The following DMXL1 variants were observed in gnomAD, a reference collection of about 807,000 sequenced individuals.
DMXL1 encodes the protein dmX-like protein 1.
In DMXL1, 99 loss-of-function variants were observed where a neutral mutation model predicts 319.2. The observed-to-expected ratio is 0.31, with a 90% CI of 0.26 to 0.37. The LOEUF is 0.37. Ranked by LOEUF, DMXL1 falls within the 10% of genes least tolerant of loss-of-function variation. DMXL1 has a pLI of 1.00. For synonymous variants in DMXL1, 1,385 were observed against 1,235.2 expected (o/e 1.12, Z -2.54); for missense variants, 3,745 against 3,595.6 (o/e 1.04, Z -1.06).
rs1424638626 is a variant in DMXL1, at chr5:119,171,840, T to G, written c.6552T>G (p.Phe2184Leu). The G allele has an allele frequency of 6.2e-7, 1 of 1,613,986 alleles. No individual in the cohort carries two copies. Among genetic ancestry groups the G allele is most frequent in the Non-Finnish European group, 8.5e-7 (1 of 1,179,894 alleles). ...LSEQTSVPLL[F>L]ACTANAKTVV... ...AGCAAACCTCAGTGCCTCTCCTCTT[T>G]GCTTGTACAGCCAATGCCAAAACAG... is the stretch of plus-strand genomic sequence containing the variant. The change falls in exon 25 of 44, where the codon TTT (phenylalanine) becomes TTG (leucine). Residue 2184 changes from phenylalanine to leucine, a missense_variant. Physicochemically the swap from Phe to Leu is conservative, Grantham distance 22 (BLOSUM62 0). This residue lies in a region of DMXL1 where 1,382 missense variants were observed against 1,269.5 expected (regional missense o/e 1.09). Transcript: ENST00000539542.
chr5:119,244,391 T>A lies in DMXL1; in HGVS notation c.8737T>A (p.Leu2913Ile), dbSNP rs753427714. 5.0e-6 allele frequency: 8 copies of A among 1,614,104 alleles called. No individual in the cohort carries two copies. In the Admixed American group the frequency reaches 8.3e-5, roughly 17 times the overall value. The change falls in exon 43 of 44, where the codon TTA becomes ATA. Residue 2913 changes from leucine to isoleucine, a missense_variant. By Grantham distance (5) the Leu-to-Ile change is conservative (BLOSUM62 2). Around this residue, in one of 4 missense-constraint regions of DMXL1, gnomAD observed 262 missense variants for 320.5 expected, o/e 0.82. Transcript: ENST00000539542. Reference sequence around the variant, plus strand: ...CTGCCATGACAGTGGAGCCACAGTTTTAGCATATGCTCCAAAACATCAGCT... The same window carrying A: ...CTGCCATGACAGTGGAGCCACAGTTATAGCATATGCTCCAAAACATCAGCT... ...FTCHDSGATV[L>I]AYAPKHQLLI...
rs1775194320 is a variant in DMXL1 at position 119,173,776 on chromosome 5, G to GTATATATATGTATATATATA, written c.6682-1476_6682-1475insGTATATATATATATATATAT. On this transcript the variant is annotated intron_variant, in intron 25 of 43. Coordinates refer to ENST00000539542, the MANE Select transcript of DMXL1 (RefSeq NM_001290321.3). Reference sequence around the variant, plus strand: ...TGTGTATATATATATATGTGTGTGTGTATATATATATATATATATATAATG... The same window carrying GTATATATATGTATATATATA: ...TGTGTATATATATATATGTGTGTGTGTATATATATGTATATATATATATATATATATATATATATATAATG... Among the ~76,000 whole-genome samples, 6 of 67,170 alleles carry GTATATATATGTATATATATA rather than the reference G, an allele frequency of 8.9e-5. No individual in the cohort carries two copies. In the Admixed American group the frequency reaches 1.0e-3, roughly 11 times the overall value. 44.1% of individuals were successfully genotyped at this position (67,170 alleles called of 152,430 possible). A position where few individuals can be genotyped will look rare whatever the true frequency, so the allele number is the denominator to read the frequency against.
chr5:119,116,014 A>G, intron 6 of DMXL1, 144 bp from the exon 7 acceptor site: 1 of 699,878 alleles, frequency 1.4e-6, no homozygotes. Flanking sequence ...TGCCAGAATC[A>G]GAATTTTCTT....
At chr5:119,231,738 A>G (rs1185196364) in intron 38 of DMXL1, among the ~76,000 whole-genome samples, 2 of 152,254 alleles carry the variant, frequency 1.3e-5, no homozygotes, top group Non-Finnish European at 2.9e-5. Context: ...TAAGGTGTTC[A>G]AGGAAGCACA....
chr5:119,137,133 C>G (rs994165775), intron 13 of DMXL1, among the ~76,000 whole-genome samples: 1 of 152,230 alleles, frequency 6.6e-6, no homozygotes, highest in Non-Finnish European at 1.5e-5. Context: ...GGAACCCACA[C>G]CTGTGTCAAT....
intron 28 of DMXL1, among the ~76,000 whole-genome samples, chr5:119,182,218 A>T (rs1237530749): frequency 6.6e-6 from 1 of 152,214 alleles, no homozygotes; most frequent in South Asian, 2.1e-4. Flanking sequence ...AGTTGACTTG[A>T]ATCCAGTTAA....
In DMXL1 at chr5:119,133,532, A is replaced by G; in HGVS notation, c.1608A>G (p.Thr536=). 6.2e-7 allele frequency: 1 copy of G among 1,612,420 alleles called. No individual in the cohort carries two copies. Among genetic ancestry groups the G allele is most frequent in the East Asian group, 2.2e-5 (1 of 44,880 alleles). The change falls in exon 12 of 44, where the codon ACA becomes ACG. Residue 536 remains threonine, a synonymous_variant. Coordinates refer to ENST00000539542, the MANE Select transcript of DMXL1 (RefSeq NM_001290321.3). ...CCAGAATTCCAGTAGCTTTCCCCAC[A>G]GGTGATGCAAACTCTCTCTGTAAAA... ...FVSRIPVAFP[T]GDANSLCKSI... is the part of the protein sequence containing the mutation.
chr5:119,243,534 CTT>C (rs560075525), intron 42 of DMXL1, among the ~76,000 whole-genome samples: 1 of 152,022 alleles, frequency 6.6e-6, no homozygotes, highest in African/African-American at 2.4e-5. Context: ...AGGCTGGACT[CTT>C]TTTTAAAGAA....
rs374575240 is a variant in DMXL1, at chr5:119,149,982, C to A, written c.4155C>A (p.Asp1385Glu). 1.1e-5 allele frequency: 17 copies of A among 1,613,734 alleles called. No homozygotes were observed. Among genetic ancestry groups the A allele is most frequent in the African/African-American group, 6.7e-5 (5 of 74,868 alleles). ...GTGCTAGTGGAAGCACTACCAGAGA[C>A]CCCCAGGCATTCAACAAGGCTGAAA... is the stretch of plus-strand genomic sequence containing the variant. Reference protein sequence around the residue: ...TISASGSTTRDPQAFNKAENT... With the variant: ...TISASGSTTREPQAFNKAENT... Residue 1385 changes from aspartate (D) to glutamate (E), a missense_variant, in exon 18 of 44, where the codon GAC becomes GAA. By Grantham distance (45) the Asp-to-Glu change is conservative (BLOSUM62 2). Coordinates refer to ENST00000539542, the MANE Select transcript of DMXL1 (RefSeq NM_001290321.3).
At chr5:119,227,620 G>GT (rs945546622) in intron 38 of DMXL1, among the ~76,000 whole-genome samples, 16 of 151,686 alleles carry the variant, frequency 1.1e-4, no homozygotes, top group South Asian at 8.3e-4. Flanking sequence ...CTGTTTTTTG[G>GT]TTTTTTTTCA....
chr5:119,187,117 A>T (rs1284661750), intron 28 of DMXL1, among the ~76,000 whole-genome samples: 8 of 151,830 alleles, frequency 5.3e-5, no homozygotes, highest in Non-Finnish European at 8.8e-5. Flanking sequence ...ACTGAAACTT[A>T]TTTTTAAAAT....
At position 119,145,611 on chromosome 5, in the gene DMXL1, CTT is replaced by C. The variant is rs1156315810; in HGVS notation, c.2569+976_2569+977del. Among the ~76,000 whole-genome samples, 5 of 151,688 alleles carry C rather than the reference CTT, an allele frequency of 3.3e-5. No individual in the cohort carries two copies. The East Asian group carries it at 9.7e-4, about 29-fold the overall frequency. ...GTTAACAATTTAAGTCTCTTTAAAA[CTT>C]TTAAAAGAAGTTACTCTCCTTTGCA... On this transcript the variant is annotated intron_variant, in intron 15 of 43. Transcript: ENST00000539542.
At position 119,197,864 on chromosome 5, in the gene DMXL1, T is replaced by C. The variant is rs1296774665; in HGVS notation, c.7653T>C (p.Tyr2551=). The C allele has an allele frequency of 3.7e-6, 6 of 1,614,228 alleles. No homozygotes were observed. Among genetic ancestry groups the C allele is most frequent in the Non-Finnish European group, 4.2e-6 (5 of 1,180,028 alleles). Residue 2551 remains tyrosine, a synonymous_variant, in exon 32 of 44, where the codon TAT becomes TAC. Transcript: ENST00000539542. ...LEIHGGPPQN[Y]IASHTAEESL... ...TCCATGGTGGGCCACCTCAAAATTATATCGCAAGTCATACCGCCGAAGAGA... is the reference window on the plus strand; with the variant it reads ...TCCATGGTGGGCCACCTCAAAATTACATCGCAAGTCATACCGCCGAAGAGA...
intron 29 of DMXL1, among the ~76,000 whole-genome samples, chr5:119,190,090 A>G (rs1778440691): frequency 6.6e-6 from 1 of 152,188 alleles, no homozygotes; most frequent in African/African-American, 2.4e-5. Flanking sequence ...TTTTTTGGTA[A>G]ATTATGACAT....
chr5:119,207,014 C>T (rs1379260722), intron 34 of DMXL1, 118 bp downstream of exon 34: 1 of 569,282 alleles, frequency 1.8e-6, no homozygotes, highest in Non-Finnish European at 2.9e-6. Context: ...ATTGTTCCCT[C>T]AAATTATTCT....
chr5:119,156,408 A>G (rs868082449), intron 19 of DMXL1, among the ~76,000 whole-genome samples: 18 of 152,312 alleles, frequency 1.2e-4, no homozygotes, highest in East Asian at 5.8e-4. Context: ...TTTTATTGCA[A>G]TATTTGCTTT....
intron 14 of DMXL1, 78 bp downstream of exon 14, chr5:119,144,008 G>A (rs1252872241): frequency 1.1e-5 from 10 of 895,576 alleles, no homozygotes; most frequent in East Asian, 2.7e-5. Flanking sequence ...ATATATTAAT[G>A]TAATTTGAAA....
intron 5 of DMXL1, among the ~76,000 whole-genome samples, chr5:119,111,376 C>G (rs1049612781): frequency 2.6e-5 from 4 of 151,992 alleles, no homozygotes; most frequent in Non-Finnish European, 4.4e-5. Context: ...TGTAAAATAT[C>G]TCTAACATTT....
At chr5:119,135,197 C>T (rs1199419714) in intron 13 of DMXL1, among the ~76,000 whole-genome samples, 1 of 151,912 alleles carries the variant, frequency 6.6e-6, no homozygotes, top group African/African-American at 2.4e-5. Context: ...TTCTATTTAT[C>T]AGGCATTTTT....
Sources: gnomAD v4.1 joint callset for allele counts (sites outside exome capture counted in the v4.1 genomes callset) on GRCh38, gnomAD v4.1.1 for gene constraint, gnomAD v4.1.1 regional missense constraint, MANE v1.5 for transcripts, NCBI Gene and HGNC (gene_info 2026-07-23, HGNC 2026-07-21) for gene names.